Variants in ZNF143 observed in about 807,000 individuals in gnomAD.
ZNF143 encodes zinc finger protein 143.
ZNF143 carries 49 observed loss-of-function variants against 74.1 expected under a neutral mutation model. The observed-to-expected ratio is 0.66, with a 90% CI of 0.53 to 0.84. The LOEUF is 0.84. Ranked by LOEUF, ZNF143 falls within the 40% of genes least tolerant of loss-of-function variation. The pLI, the probability that ZNF143 is intolerant of heterozygous loss-of-function variation, is 0.00. For synonymous variants in ZNF143, 304 were observed against 282.8 expected (o/e 1.07, Z -0.75); for missense variants, 637 against 793.4 (o/e 0.80, Z 2.37).
intron 7 of ZNF143, among the ~76,000 whole-genome samples, chr11:9,483,058 A>T (rs1468717292): frequency 1.3e-5 from 2 of 150,762 alleles, no homozygotes; most frequent in Non-Finnish European, 2.9e-5. Context: ...CAGTGATGTG[A>T]TTTTGGCTGA....
chr11:9,486,414 T>TATATTATATATTATATATATAAA, intron 7 of ZNF143, among the ~76,000 whole-genome samples: 1,047 of 23,392 alleles, frequency 0.045, 82 homozygotes, highest in African/African-American at 0.059. Context: ...ATATATATAA[T>TATATTATATATTATATATATAAA]ATATATTATA....
intron 9 of ZNF143, 44 bp from the exon 10 acceptor site, chr11:9,497,631 G>A: frequency 6.8e-7 from 1 of 1,473,776 alleles, no homozygotes. Context: ...TGCATGTTTA[G>A]AGCAGTATTG....
chr11:9,493,094 G>A (rs975471421), intron 7 of ZNF143, among the ~76,000 whole-genome samples: 6 of 143,982 alleles, frequency 4.2e-5, no homozygotes, highest in Admixed American at 2.1e-4. Flanking sequence ...TTTTTGAGAC[G>A]GATTCTCACT....
intron 7 of ZNF143, among the ~76,000 whole-genome samples, chr11:9,479,883 T>C (rs1019164671): frequency 6.6e-6 from 1 of 152,236 alleles, no homozygotes; most frequent in Admixed American, 6.5e-5. Context: ...GGATACTTTT[T>C]CTGGGACTTC....
chr11:9,476,115 G>A (rs1244383720), intron 5 of ZNF143, among the ~76,000 whole-genome samples: 3 of 152,018 alleles, frequency 2.0e-5, no homozygotes, highest in African/African-American at 7.2e-5. Flanking sequence ...GGAATGATGA[G>A]TACAGCTCTG....
intron 5 of ZNF143, among the ~76,000 whole-genome samples, chr11:9,478,012 G>C (rs1847082723): frequency 6.6e-6 from 1 of 152,132 alleles, no homozygotes; most frequent in South Asian, 2.1e-4. Flanking sequence ...ATTTTTAGTA[G>C]AGAGGGTGTT....
intron 12 of ZNF143, among the ~76,000 whole-genome samples, chr11:9,511,896 C>G (rs1185642212): frequency 6.6e-6 from 1 of 151,656 alleles, no homozygotes; most frequent in Admixed American, 6.6e-5. Context: ...GGACTACAGG[C>G]GCCCGCCACC....
At chr11:9,497,644 T>C (rs756502020) in intron 9 of ZNF143, 31 bp from the exon 10 acceptor site, 2 of 1,530,888 alleles carry the variant, frequency 1.3e-6, no homozygotes, top group South Asian at 2.3e-5. Flanking sequence ...CAGTATTGTG[T>C]AATTAAATTT....
chr11:9,472,568 A>G (rs1856643501), intron 2 of ZNF143, 109 bp from the exon 3 acceptor site: 1 of 922,940 alleles, frequency 1.1e-6, no homozygotes, highest in Non-Finnish European at 1.7e-6. Flanking sequence ...TCTCATTTTG[A>G]GTCTGAGTTA....
At chr11:9,496,683 G>A (rs756889759) in intron 9 of ZNF143, among the ~76,000 whole-genome samples, 3 of 151,506 alleles carry the variant, frequency 2.0e-5, no homozygotes, top group Non-Finnish European at 2.9e-5. Flanking sequence ...TGCAACCTCC[G>A]CCTCCCAGGT....
chr11:9,521,389 C>T (rs1161049532), intron 14 of ZNF143, among the ~76,000 whole-genome samples: 1 of 152,134 alleles, frequency 6.6e-6, no homozygotes, highest in Non-Finnish European at 1.5e-5. Context: ...GAAAAAGTTT[C>T]ATCTCCTGTT....
chr11:9,484,547 A>G (rs1325754874), intron 7 of ZNF143, among the ~76,000 whole-genome samples: 1 of 145,738 alleles, frequency 6.9e-6, no homozygotes, highest in African/African-American at 2.6e-5. Flanking sequence ...CTTTTTTTCT[A>G]CCTCTAAAAG....
intron 1 of ZNF143, among the ~76,000 whole-genome samples, chr11:9,461,403 GC>G: frequency 6.6e-6 from 1 of 152,258 alleles, no homozygotes; most frequent in East Asian, 1.9e-4. Flanking sequence ...GGAGGGTGGA[GC>G]CCTCGGGAGC....
chr11:9,498,999 C>T (rs1565050094), intron 10 of ZNF143, among the ~76,000 whole-genome samples: 1 of 152,028 alleles, frequency 6.6e-6, no homozygotes, highest in Non-Finnish European at 1.5e-5. Context: ...TTTCCAAGCT[C>T]CCATAAATTC....
chr11:9,476,525 A>G (rs1197821448), intron 5 of ZNF143, among the ~76,000 whole-genome samples: 4 of 151,476 alleles, frequency 2.6e-5, no homozygotes, highest in Non-Finnish European at 4.4e-5. Context: ...GGTGCCCGCC[A>G]CTACACCCGG....
At position 9,464,078 on chromosome 11, in the gene ZNF143, GTGTGTGTT is replaced by G. The variant is rs1402630234; in HGVS notation, c.-8+3010_-8+3017del. 2.1e-3 allele frequency among the ~76,000 whole-genome samples: 275 copies of G among 132,164 alleles called. No individual in the cohort carries two copies. The East Asian group carries it at 0.026, about 13-fold the overall frequency. The allele number at this position is 132,164 out of a possible 152,430, so 86.7% of individuals were successfully genotyped here. ...CATGTTTCATTTAGGGATGTCGTGT[GTGTGTGTT>G]TGTGTGTGTGTGTGTGTGTGTGTGT... On this transcript the variant is annotated intron_variant, in intron 1 of 15. Transcript: ENST00000396602.
chr11:9,486,621 CTCCT>C (rs1217734390), intron 7 of ZNF143, among the ~76,000 whole-genome samples: 1 of 144,220 alleles, frequency 6.9e-6, no homozygotes, highest in East Asian at 2.0e-4. Context: ...AGACGTTTGA[CTCCT>C]TCAGAAAAGA....
At chr11:9,523,816 G>C (rs1337801118) in intron 14 of ZNF143, among the ~76,000 whole-genome samples, 1 of 152,024 alleles carries the variant, frequency 6.6e-6, no homozygotes, top group Non-Finnish European at 1.5e-5. Context: ...GGGAGGCCGA[G>C]GCGGGTGGAT....
chr11:9,507,952 A>G (rs558842187), intron 11 of ZNF143, among the ~76,000 whole-genome samples: 12 of 152,326 alleles, frequency 7.9e-5, no homozygotes, highest in African/African-American at 2.9e-4. Flanking sequence ...CTGTTTCTCT[A>G]TACTTTTGTG....
Sources: gnomAD v4.1 joint callset for allele counts (sites outside exome capture counted in the v4.1 genomes callset) on GRCh38, gnomAD v4.1.1 for gene constraint, MANE v1.5 for transcripts, NCBI Gene and HGNC (gene_info 2026-07-23, HGNC 2026-07-21) for gene names.